The following LATS1 variants were observed in gnomAD, a reference collection of about 807,000 sequenced individuals.
LATS1 encodes the protein serine/threonine-protein kinase LATS1.
LATS1 carries 25 observed loss-of-function variants against 106.6 expected under a neutral mutation model. The ratio of observed to expected loss-of-function variants is 0.23; its 90% CI spans 0.17 to 0.33. The LOEUF (loss-of-function observed/expected upper bound fraction) is 0.33, where lower values mean the gene tolerates loss of function less well. Among genes scored for constraint, LATS1 ranks in the 10% least tolerant of loss-of-function variants. LATS1 has a pLI of 1.00. For missense variants in LATS1, 1,040 were observed against 1,382.6 expected (o/e 0.75, Z 3.93); for synonymous variants, 465 against 455.6 (o/e 1.02, Z -0.26).
At chr6:149,687,496 C>G (rs890120966) in intron 3 of LATS1, among the ~76,000 whole-genome samples, 1 of 152,014 alleles carries the variant, frequency 6.6e-6, no homozygotes, top group South Asian at 2.1e-4. Flanking sequence ...GTGGCATGAT[C>G]ATGAATCACT....
At chr6:149,706,865 A>C (rs1319497826) in intron 1 of LATS1, among the ~76,000 whole-genome samples, 2 of 152,100 alleles carry the variant, frequency 1.3e-5, no homozygotes, top group Non-Finnish European at 2.9e-5. Context: ...TGAGAGGATA[A>C]ATTTATGTTG....
chr6:149,669,015 G>GTCT (rs1781308841), intron 7 of LATS1, among the ~76,000 whole-genome samples: 1 of 151,810 alleles, frequency 6.6e-6, no homozygotes, highest in Admixed American at 6.6e-5. Context: ...TAGAGACAGG[G>GTCT]TCTTACTATG....
In LATS1 at chr6:149,684,066, T is replaced by C. The variant is rs774166406; in HGVS notation, c.1023A>G (p.Pro341=). The C allele has an allele frequency of 5.0e-6, 8 of 1,614,030 alleles. No homozygotes were observed. The South Asian group carries it at 5.5e-5, about 11-fold the overall frequency. The change falls in exon 4 of 8, where the codon CCA becomes CCG. Residue 341 remains proline, a synonymous_variant. Coordinates refer to ENST00000543571, the MANE Select transcript of LATS1 (RefSeq NM_004690.4). ...CATTCTGCATTCCAGGTCTCCCTGA[T>C]GGAAAGTTAAATTTGCTAGAACTCT... is the stretch of plus-strand genomic sequence containing the variant. ...IMQSSSKFNF[P]SGRPGMQNGT...
chr6:149,676,166 A>T, intron 7 of LATS1, 94 bp downstream of exon 7: 2 of 858,768 alleles, frequency 2.3e-6, no homozygotes, highest in South Asian at 1.4e-5. Context: ...TTCATTCTTT[A>T]ACTCCAGACT....
Position 149,684,378 on chromosome 6 carries a change from T to G in LATS1, c.711A>C (p.Pro237=), listed in dbSNP as rs1782240807. The change falls in exon 4 of 8, where the codon CCA becomes CCC. Residue 237 remains proline, a synonymous_variant. Coordinates refer to ENST00000543571, the MANE Select transcript of LATS1 (RefSeq NM_004690.4). ...TAACACTCCTTACTTGAGGTGGTGG[T>G]GGGGGGTTCACTCTCTGTCCGTTGC... ...HPSNGQRVNP[P]PPPQVRSVTP... 4 of 1,613,750 alleles carry G rather than the reference T, an allele frequency of 2.5e-6. No individual in the cohort carries two copies. Among genetic ancestry groups the G allele is most frequent in the Non-Finnish European group, 3.4e-6 (4 of 1,179,908 alleles).
In LATS1 at chr6:149,686,412, C is replaced by T. The variant is rs540438845; in HGVS notation, c.497-1820G>A. On this transcript the variant is annotated intron_variant, in intron 3 of 7. Transcript: ENST00000543571. ...ATTCAGCTTTTAGAGTATACAGTCA[C>T]CCCTGTTGTTCTGCGCCTCCCACAG... 1.2e-4 allele frequency among the ~76,000 whole-genome samples: 19 copies of T among 152,234 alleles called. No homozygotes were observed. The South Asian group carries it at 3.5e-3, about 28-fold the overall frequency.
intron 7 of LATS1, among the ~76,000 whole-genome samples, chr6:149,671,584 T>G (rs1362333070): frequency 6.6e-6 from 1 of 152,052 alleles, no homozygotes; most frequent in Non-Finnish European, 1.5e-5. Flanking sequence ...TCCATTGATC[T>G]AAGTGTGTAT....
At chr6:149,710,991 G>A (rs889816687) in intron 1 of LATS1, among the ~76,000 whole-genome samples, 3 of 152,190 alleles carry the variant, frequency 2.0e-5, no homozygotes, top group African/African-American at 7.2e-5. Context: ...AAAAGACTGA[G>A]CACAGATGCC....
intron 2 of LATS1, among the ~76,000 whole-genome samples, chr6:149,696,138 C>T (rs1281304584): frequency 6.6e-6 from 1 of 151,518 alleles, no homozygotes; most frequent in Non-Finnish European, 1.5e-5. Context: ...AACTCCTGAC[C>T]TCAGGTGATC....
chr6:149,705,712 T>A (rs1273362641), intron 1 of LATS1, among the ~76,000 whole-genome samples: 1 of 152,120 alleles, frequency 6.6e-6, no homozygotes, highest in Non-Finnish European at 1.5e-5. Context: ...ATATTTGAAC[T>A]TACAAATGCA....
Position 149,683,072 on chromosome 6 carries a change from G to A in LATS1, c.2010+7C>T, listed in dbSNP as rs1782146635. ...AGTATAAAAATGGACATTTTAAAAG[G>A]TTTTACCCGCATCATTTCATTCTCT... On this transcript the variant is annotated splice_region_variant and intron_variant, in intron 4 of 7. Coordinates refer to ENST00000543571, the MANE Select transcript of LATS1 (RefSeq NM_004690.4). The A allele has an allele frequency of 6.2e-7, 1 of 1,604,920 alleles. No homozygotes were observed. The highest frequency in any genetic ancestry group is 1.3e-5 in the African/African-American group (1 of 74,598).
intron 7 of LATS1, among the ~76,000 whole-genome samples, chr6:149,673,959 G>A (rs1781574480): frequency 1.3e-5 from 2 of 151,534 alleles, no homozygotes; most frequent in South Asian, 4.2e-4. Flanking sequence ...ACAGGCATGA[G>A]CCACCACACC....
rs112251580 is a variant in LATS1, at chr6:149,693,277, G to GA, written c.496+1796dup. On this transcript the variant is annotated intron_variant, in intron 3 of 7. Coordinates refer to ENST00000543571, the MANE Select transcript of LATS1 (RefSeq NM_004690.4). ...GGGTGACAAGACTCTGTCTCAAAGA[G>GA]AAAAAAAAAAAAAAATTAAAAGAGG... Among the ~76,000 whole-genome samples, 712 of 89,170 alleles carry GA rather than the reference G, an allele frequency of 8.0e-3. 2 individuals are homozygous for GA. The highest frequency in any genetic ancestry group is 0.017 in the African/African-American group (409 of 23,504). 58.5% of individuals were successfully genotyped at this position (89,170 alleles called of 152,430 possible). A position where few individuals can be genotyped will look rare whatever the true frequency, so the allele number is the denominator to read the frequency against.
At chr6:149,701,029 C>A (rs1783429317) in intron 2 of LATS1, among the ~76,000 whole-genome samples, 1 of 152,206 alleles carries the variant, frequency 6.6e-6, no homozygotes, top group South Asian at 2.1e-4. Flanking sequence ...ATGATCCACC[C>A]ACCTTGGCTT....
intron 5 of LATS1, among the ~76,000 whole-genome samples, chr6:149,679,538 C>A (rs961707272): frequency 7.3e-6 from 1 of 136,120 alleles, no homozygotes; most frequent in Non-Finnish European, 1.5e-5. Flanking sequence ...GGCGACAGAG[C>A]GAGACTCCAT....
At chr6:149,681,679 A>G (rs1727125779) in intron 4 of LATS1, among the ~76,000 whole-genome samples, 1 of 152,262 alleles carries the variant, frequency 6.6e-6, no homozygotes, top group South Asian at 2.1e-4. Flanking sequence ...AAATAACAAT[A>G]CTGTAAAATC....
At chr6:149,682,478 C>A (rs1198927580) in intron 4 of LATS1, among the ~76,000 whole-genome samples, 2 of 147,610 alleles carry the variant, frequency 1.4e-5, no homozygotes, top group African/African-American at 2.5e-5. Flanking sequence ...GTGGCGCGAT[C>A]TCGGCTCACT....
In LATS1 at chr6:149,661,594, A is replaced by G. The variant is rs1460057852; in HGVS notation, c.*135T>C. ...ATTTTAAAAGGATTTCCCATAATTTAGGAAAATAAAATATTGTACACAGAG... is the reference window on the plus strand; with the variant it reads ...ATTTTAAAAGGATTTCCCATAATTTGGGAAAATAAAATATTGTACACAGAG... On this transcript the variant is annotated 3_prime_UTR_variant, in exon 8 of 8. Transcript: ENST00000543571. 1 of 619,792 alleles carries G rather than the reference A, an allele frequency of 1.6e-6. No individual in the cohort carries two copies. The highest frequency in any genetic ancestry group is 1.9e-5 in the African/African-American group (1 of 53,274). The allele number at this position is 619,792 out of a possible 1,614,324, so 38.4% of individuals were successfully genotyped here.
rs1443721633 is a variant in LATS1 at position 149,660,611 on chromosome 6, G to A, written c.*1118C>T. 1.7e-5 allele frequency: 4 copies of A among 232,192 alleles called. No individual in the cohort carries two copies. The East Asian group carries it at 1.8e-4, about 11-fold the overall frequency. The allele number at this position is 232,192 out of a possible 1,614,324, so 14.4% of individuals were successfully genotyped here. On this transcript the variant is annotated 3_prime_UTR_variant, in exon 8 of 8. Transcript: ENST00000543571. Reference sequence around the variant, plus strand: ...CCTTAATCTTCCTTAGAACCTAAGCGTTATACATAACAGGCATGTTGAACG... The same window carrying A: ...CCTTAATCTTCCTTAGAACCTAAGCATTATACATAACAGGCATGTTGAACG...
Sources: gnomAD v4.1 joint callset for allele counts (sites outside exome capture counted in the v4.1 genomes callset) on GRCh38, gnomAD v4.1.1 for gene constraint, MANE v1.5 for transcripts, NCBI Gene and HGNC (gene_info 2026-07-23, HGNC 2026-07-21) for gene names.